Variants in VWF observed in about 807,000 individuals in gnomAD.
VWF encodes the protein Factor VIII related antigen.
A neutral mutation model predicts 308.6 loss-of-function variants in VWF; 176 were observed. The observed-to-expected ratio is 0.57, with a 90% CI of 0.50 to 0.65. The LOEUF (loss-of-function observed/expected upper bound fraction) is 0.65, where lower values mean the gene tolerates loss of function less well. Ranked by LOEUF, VWF falls within the 30% of genes least tolerant of loss-of-function variation. The pLI, the probability that VWF is intolerant of heterozygous loss-of-function variation, is 0.00. For missense variants in VWF, 3,146 were observed against 3,648.2 expected (o/e 0.86, Z 3.55); for synonymous variants, 1,385 against 1,443.4 (o/e 0.96, Z 0.92).
In VWF at chr12:5,996,190, C is replaced by T. The variant is rs765357873; in HGVS notation, c.5875G>A (p.Val1959Met). 6.0e-5 allele frequency: 97 copies of T among 1,613,542 alleles called. No individual in the cohort carries two copies. The Admixed American group carries it at 8.7e-4, about 14-fold the overall frequency. Reference protein sequence around the residue: ...VCTGSSTRHIVTFDGQNFKLT... With the variant: ...VCTGSSTRHIMTFDGQNFKLT... ...TTGAAATTCTGCCCATCAAAGGTCA[C>T]GATGTGCCGAGTGGAGCTGCCTGTG... is the stretch of plus-strand genomic sequence containing the variant. The change falls in exon 35 of 52, where the codon GTG becomes ATG. Residue 1959 changes from valine to methionine, a missense_variant. Val to Met is a conservative substitution (Grantham distance 21). Coordinates refer to ENST00000261405, the MANE Select transcript of VWF (RefSeq NM_000552.5).
rs1428843777 is a variant in VWF at position 6,058,009 on chromosome 12, C to G, written c.1569G>C (p.Leu523=). 6.2e-7 allele frequency: 1 copy of G among 1,613,366 alleles called. No homozygotes were observed. Among genetic ancestry groups the G allele is most frequent in the Non-Finnish European group, 8.5e-7 (1 of 1,180,032 alleles). The change falls in exon 14 of 52, where the codon CTG becomes CTC. Residue 523 remains leucine, a synonymous_variant. Coordinates refer to ENST00000261405, the MANE Select transcript of VWF (RefSeq NM_000552.5). This position sits in a 1 kb window ranked among gnomAD's most constrained non-coding sequence, Gnocchi z 4.9. ...SPVYAGKTCG[L]CGNYNGNQGD... is the part of the protein sequence containing the mutation. ...CCTGGTTGCCATTGTAATTCCCACA[C>G]AGGCCGCAGGTCTTCCCGGCATAGA... is the stretch of plus-strand genomic sequence containing the variant.
intron 19 of VWF, among the ~76,000 whole-genome samples, chr12:6,035,596 G>C (rs2136431429): frequency 6.6e-6 from 1 of 152,278 alleles, no homozygotes; most frequent in East Asian, 1.9e-4. Flanking sequence ...CCAAGGAAAA[G>C]GGAGAAGGCA....
rs71064187 is a variant in VWF at position 6,092,614 on chromosome 12, T to TGAGTGAGTGAGAGAGAGAGAGA, written c.657+2845_657+2846insTCTCTCTCTCTCTCACTCACTC. Among the ~76,000 whole-genome samples, 110 of 86,086 alleles carry TGAGTGAGTGAGAGAGAGAGAGA rather than the reference T, an allele frequency of 1.3e-3. 3 individuals carry two copies. Among genetic ancestry groups the TGAGTGAGTGAGAGAGAGAGAGA allele is most frequent in the African/African-American group, 5.4e-3 (93 of 17,262 alleles). 56.5% of individuals were successfully genotyped at this position (86,086 alleles called of 152,430 possible). A position where few individuals can be genotyped will look rare whatever the true frequency, so the allele number is the denominator to read the frequency against. On this transcript the variant is annotated intron_variant, in intron 6 of 51. Transcript: ENST00000261405. ...CATGCCCAGCTAGTTAGTGAGTGAGTGAGAGTGTGTGTGTGTGTGTGTGTG... is the reference window on the plus strand; with the variant it reads ...CATGCCCAGCTAGTTAGTGAGTGAGTGAGTGAGTGAGAGAGAGAGAGAGAGAGTGTGTGTGTGTGTGTGTGTG...
rs143743709 is a variant in VWF, at chr12:5,949,079, A to G, written c.8378T>C (p.Val2793Ala). 2.9e-4 allele frequency: 468 copies of G among 1,614,212 alleles called. No individual in the cohort carries two copies. The African/African-American group carries it at 5.3e-3, about 18-fold the overall frequency. Residue 2793 changes from valine (V) to alanine (A), a missense_variant, in exon 52 of 52, where the codon GTT (valine) becomes GCT (alanine). Physicochemically the swap from Val to Ala is moderately conservative, Grantham distance 64 (BLOSUM62 0). Transcript: ENST00000261405. ...GGCATTGAGAACCTCATGGTACACA[A>G]CAGAGCCATTGGTGCAGTGCAGGGC... ...QVALHCTNGS[V>A]VYHEVLNAME...
rs150864954 is a variant in VWF, at chr12:5,966,216, G to C, written c.7887+1270C>G. 3.0e-4 allele frequency among the ~76,000 whole-genome samples: 45 copies of C among 152,220 alleles called. No individual in the cohort carries two copies. In the East Asian group the frequency reaches 8.5e-3, roughly 29 times the overall value. The stretch of plus-strand genomic sequence containing the variant: ...GAAAAAGGGATGCCACACGACTCCA[G>C]GCAGCATTGTTTCGTTCCATATGGA... On this transcript the variant is annotated intron_variant, in intron 47 of 51. Transcript: ENST00000261405.
intron 42 of VWF, among the ~76,000 whole-genome samples, chr12:5,979,429 T>C (rs11063968): frequency 0.023 from 3,523 of 152,348 alleles, 312 homozygotes; most frequent in Admixed American, 0.16. Context: ...TTGCTTCATC[T>C]GAACACATAA....
At chr12:6,112,808 CCA>C (rs1945322499) in intron 3 of VWF, among the ~76,000 whole-genome samples, 1 of 147,694 alleles carries the variant, frequency 6.8e-6, no homozygotes, top group Non-Finnish European at 1.5e-5. Context: ...AGGAGGACAA[CCA>C]CACACACAGA....
At chr12:5,978,943 C>T (rs552590831) in intron 42 of VWF, among the ~76,000 whole-genome samples, 54 of 152,240 alleles carry the variant, frequency 3.5e-4, no homozygotes, top group African/African-American at 1.1e-3. Context: ...AAGAAAGCTA[C>T]GAAAGACTCA....
chr12:5,994,624 G>C lies in VWF; in HGVS notation c.6064-17C>G, dbSNP rs1420500662. The stretch of plus-strand genomic sequence containing the variant: ...CACCGTCACCTGCACAAAGAAGAAA[G>C]AGCTCATCCGTAGTCCTAGCAATGA... On this transcript the variant is annotated splice_polypyrimidine_tract_variant and intron_variant, in intron 35 of 51. Coordinates refer to ENST00000261405, the MANE Select transcript of VWF (RefSeq NM_000552.5). 2 of 1,613,196 alleles carry C rather than the reference G, an allele frequency of 1.2e-6. No individual in the cohort carries two copies. Among genetic ancestry groups the C allele is most frequent in the East Asian group, 2.2e-5 (1 of 44,896 alleles).
intron 19 of VWF, 23 bp from the exon 20 acceptor site, chr12:6,034,849 T>A (rs1755680864): frequency 1.2e-6 from 2 of 1,612,618 alleles, no homozygotes. Context: ...ATGGCAGAGA[T>A]GACAAGTTGG....
At position 6,046,392 on chromosome 12, in the gene VWF, C is replaced by A. The variant is rs574280084; in HGVS notation, c.2281+331G>T. 2.0e-5 allele frequency among the ~76,000 whole-genome samples: 3 copies of A among 152,364 alleles called. No individual in the cohort carries two copies. The highest frequency in any genetic ancestry group is 2.0e-4 in the Admixed American group (3 of 15,306). ...CATCAAAGAAGGGTGACTGTCATCA[C>A]AATCAAGGCCACCAACTCACAGCTA... On this transcript the variant is annotated intron_variant, in intron 17 of 51. Coordinates refer to ENST00000261405, the MANE Select transcript of VWF (RefSeq NM_000552.5). This position sits in a 1 kb window ranked among gnomAD's most constrained non-coding sequence, Gnocchi z 5.0.
In VWF at chr12:6,018,667, T is replaced by A; in HGVS notation, c.4751A>T (p.Tyr1584Phe). The A allele has an allele frequency of 6.2e-7, 1 of 1,613,678 alleles. No individual in the cohort carries two copies. The highest frequency in any genetic ancestry group is 8.5e-7 in the Non-Finnish European group (1 of 1,179,782). The change falls in exon 28 of 52, where the codon TAC becomes TTC. Residue 1584 changes from tyrosine to phenylalanine, a missense_variant. Tyr to Phe is a conservative substitution (Grantham distance 22, BLOSUM62 3). Coordinates refer to ENST00000261405, the MANE Select transcript of VWF (RefSeq NM_000552.5). ...GACCAAGAAGCTGTGGTCAGAGAGG[T>A]ACCGCAGGGCCAGCCCAGTGTTGGT... ...NRTNTGLALR[Y>F]LSDHSFLVSQ...
At chr12:6,050,953 C>T (rs1237608231) in intron 16 of VWF, among the ~76,000 whole-genome samples, 1 of 128,430 alleles carries the variant, frequency 7.8e-6, no homozygotes, top group Non-Finnish European at 1.7e-5. Context: ...AAAATTCAGT[C>T]TCAAAAAAAA....
chr12:6,065,702 A>G (rs957428998), intron 10 of VWF, among the ~76,000 whole-genome samples: 3 of 151,940 alleles, frequency 2.0e-5, no homozygotes, highest in African/African-American at 7.2e-5. Context: ...AGGCTGCCCA[A>G]TAGCACAGGG....
chr12:5,952,438 C>A lies in VWF; in HGVS notation c.8068G>T (p.Val2690Phe), dbSNP rs200389567. The change falls in exon 49 of 52, where the codon GTC becomes TTC. Residue 2690 changes from valine (V) to phenylalanine (F), a missense_variant. Transcript: ENST00000261405. ...TCATCAAAGGGTGGGCAGCCTGTGACCCTCTTCTCCCAGAAGTACTCTCCT... is the reference window on the plus strand; with the variant it reads ...TCATCAAAGGGTGGGCAGCCTGTGAACCTCTTCTCCCAGAAGTACTCTCCT... ...ERGEYFWEKR[V>F]TGCPPFDEHK... The A allele has an allele frequency of 1.2e-6, 2 of 1,614,136 alleles. No individual in the cohort carries two copies. Among genetic ancestry groups the A allele is most frequent in the Admixed American group, 1.7e-5 (1 of 60,024 alleles).
At chr12:6,069,336 C>T (rs1196803310) in intron 10 of VWF, among the ~76,000 whole-genome samples, 1 of 152,106 alleles carries the variant, frequency 6.6e-6, no homozygotes, top group Non-Finnish European at 1.5e-5. Flanking sequence ...CTGCAGAGCC[C>T]AGAGCCCTTG....
rs969497573 is a variant in VWF at position 6,063,581 on chromosome 12, G to C, written c.1433-527C>G. Among the ~76,000 whole-genome samples the C allele has an allele frequency of 2.0e-5, 3 of 152,182 alleles. No homozygotes were observed. The highest frequency in any genetic ancestry group is 7.2e-5 in the African/African-American group (3 of 41,440). On this transcript the variant is annotated intron_variant, in intron 12 of 51. Transcript: ENST00000261405. The surrounding 1 kb of genome is among the most constrained non-coding windows in gnomAD (Gnocchi z 4.9). ...GGAGACACACAGCATAACACCCATG[G>C]ACGTGCTGGGTACCCACTAGCCCAA...
intron 34 of VWF, among the ~76,000 whole-genome samples, chr12:5,997,708 T>C (rs758490073): frequency 2.0e-5 from 3 of 152,222 alleles, no homozygotes; most frequent in East Asian, 1.9e-4. Context: ...ATAAATTCAA[T>C]AGTTTGTAAA....
intron 47 of VWF, among the ~76,000 whole-genome samples, chr12:5,964,351 A>G (rs1943373412): frequency 6.8e-6 from 1 of 147,954 alleles, no homozygotes; most frequent in South Asian, 2.2e-4. Context: ...AAAAATTATT[A>G]GCTTTGCTTT....
Sources: gnomAD v4.1 joint callset for allele counts (sites outside exome capture counted in the v4.1 genomes callset) on GRCh38, gnomAD v4.1.1 for gene constraint, Gnocchi (gnomAD v3.1) non-coding constraint, MANE v1.5 for transcripts, NCBI Gene and HGNC (gene_info 2026-07-23, HGNC 2026-07-21) for gene names.